The following CACNA2D3 variants were observed in gnomAD, a reference collection of about 807,000 sequenced individuals.
The protein encoded by CACNA2D3 is voltage-dependent calcium channel subunit alpha-2/delta-3.
A neutral mutation model predicts 160.6 loss-of-function variants in CACNA2D3; 60 were observed. That is an observed-to-expected ratio of 0.37 (90% CI 0.30 to 0.46). The LOEUF is 0.46. CACNA2D3 is among the 20% of genes least tolerant of loss of function. The pLI is 1.00. For synonymous variants in CACNA2D3, 558 were observed against 492.9 expected (o/e 1.13, Z -1.75); for missense variants, 1,205 against 1,365.0 (o/e 0.88, Z 1.85).
At chr3:55,026,325 A>C (rs1703562740) in intron 35 of CACNA2D3, among the ~76,000 whole-genome samples, 1 of 152,208 alleles carries the variant, frequency 6.6e-6, no homozygotes, top group South Asian at 2.1e-4. Flanking sequence ...GAAAATGTGA[A>C]GATAGCTCAG....
chr3:54,684,210 T>A (rs1027173400), intron 11 of CACNA2D3, among the ~76,000 whole-genome samples: 1 of 152,108 alleles, frequency 6.6e-6, no homozygotes. Flanking sequence ...TCTGCCCGTC[T>A]TGGCCTCCCA....
chr3:54,833,477 T>A (rs1372753047), intron 14 of CACNA2D3, among the ~76,000 whole-genome samples: 1 of 152,014 alleles, frequency 6.6e-6, no homozygotes, highest in Non-Finnish European at 1.5e-5. Context: ...CTTGCCTCAG[T>A]AGCAGCTACA....
intron 14 of CACNA2D3, among the ~76,000 whole-genome samples, chr3:54,826,205 A>G (rs1703746681): frequency 6.6e-6 from 1 of 152,232 alleles, no homozygotes; most frequent in Admixed American, 6.5e-5. Flanking sequence ...CACATCCCCA[A>G]TTAATGGATA....
At chr3:54,828,011 G>T (rs1287176386) in intron 14 of CACNA2D3, among the ~76,000 whole-genome samples, 1 of 152,136 alleles carries the variant, frequency 6.6e-6, no homozygotes, top group Non-Finnish European at 1.5e-5. Flanking sequence ...GGTCCTAGAT[G>T]GTATCTTTGG....
chr3:54,941,517 C>T (rs998408716), intron 27 of CACNA2D3, among the ~76,000 whole-genome samples: 2 of 152,076 alleles, frequency 1.3e-5, no homozygotes, highest in African/African-American at 4.8e-5. Flanking sequence ...TTTTATAATG[C>T]CGGGATTATG....
chr3:54,294,498 G>A (rs890757460), intron 2 of CACNA2D3, among the ~76,000 whole-genome samples: 4 of 152,064 alleles, frequency 2.6e-5, no homozygotes, highest in Non-Finnish European at 5.9e-5. Context: ...GCCACTGTGG[G>A]AGGAAAAAGA....
intron 9 of CACNA2D3, among the ~76,000 whole-genome samples, chr3:54,592,364 T>G (rs1413029954): frequency 6.6e-6 from 1 of 152,176 alleles, no homozygotes; most frequent in African/African-American, 2.4e-5. Context: ...GTCTTAAAAT[T>G]CTGTTAGGTT....
At position 54,192,671 on chromosome 3, in the gene CACNA2D3, GGT is replaced by G. The variant is rs147191768; in HGVS notation, c.204+69100_204+69101del. Among the ~76,000 whole-genome samples the G allele has an allele frequency of 1.3e-3, 193 of 149,618 alleles. 1 individual carries two copies. Among genetic ancestry groups the G allele is most frequent in the Non-Finnish European group, 1.7e-3 (112 of 67,272 alleles). Reference sequence around the variant, plus strand: ...CCCTACATGCTTTTCCCATATGTGAGGTGTGTGTGTGTGTGTGTGTGTGTTTG... The same window carrying G: ...CCCTACATGCTTTTCCCATATGTGAGGTGTGTGTGTGTGTGTGTGTGTTTG... On this transcript the variant is annotated intron_variant, in intron 2 of 37. Transcript: ENST00000474759.
chr3:54,501,108 G>A (rs1440567342), intron 4 of CACNA2D3, among the ~76,000 whole-genome samples: 1 of 152,110 alleles, frequency 6.6e-6, no homozygotes, highest in East Asian at 1.9e-4. Context: ...CCTGTTATAA[G>A]GACATCTAAT....
chr3:54,473,945 T>C (rs1336523970), intron 4 of CACNA2D3, among the ~76,000 whole-genome samples: 2 of 152,162 alleles, frequency 1.3e-5, no homozygotes, highest in African/African-American at 4.8e-5. Context: ...TTTACACTAT[T>C]GGTAGGAGTG....
chr3:54,457,348 T>A (rs1191339535), intron 4 of CACNA2D3, among the ~76,000 whole-genome samples: 1 of 152,138 alleles, frequency 6.6e-6, no homozygotes, highest in Non-Finnish European at 1.5e-5. Context: ...TTGTTTAATT[T>A]ACATGCATTT....
chr3:55,037,184 G>C (rs1703839567), intron 35 of CACNA2D3, among the ~76,000 whole-genome samples: 1 of 152,178 alleles, frequency 6.6e-6, no homozygotes, highest in African/African-American at 2.4e-5. Context: ...AAGAAACCAA[G>C]GGTAAAGTTA....
At chr3:54,513,441 A>C (rs569272265) in intron 5 of CACNA2D3, among the ~76,000 whole-genome samples, 17 of 152,294 alleles carry the variant, frequency 1.1e-4, no homozygotes, top group African/African-American at 3.6e-4. Context: ...CATACAATGC[A>C]ATCCTACCCC....
chr3:54,344,485 A>G (rs1698421519), intron 3 of CACNA2D3, among the ~76,000 whole-genome samples: 1 of 152,218 alleles, frequency 6.6e-6, no homozygotes, highest in Non-Finnish European at 1.5e-5. Context: ...TGTTCTGGCA[A>G]CGAGAAATCA....
rs71096434 is a variant in CACNA2D3, at chr3:54,678,720, C to CAAAAAAAAAAAAAAAAA, written c.1167+36492_1167+36508dup. Among the ~76,000 whole-genome samples the CAAAAAAAAAAAAAAAAA allele has an allele frequency of 4.1e-4, 19 of 45,918 alleles. 2 individuals are homozygous for CAAAAAAAAAAAAAAAAA. The highest frequency in any genetic ancestry group is 5.7e-4 in the Non-Finnish European group (16 of 28,278). The allele number at this position is 45,918 out of a possible 152,430, so 30.1% of individuals were successfully genotyped here. On this transcript the variant is annotated intron_variant, in intron 11 of 37. Transcript: ENST00000474759. ...TGGGTGACAGAGTGAGACTCGGTCT[C>CAAAAAAAAAAAAAAAAA]AAAAAAAAAAAAAAAAAAAAAAAAA... is the stretch of plus-strand genomic sequence containing the variant.
At chr3:54,555,852 A>G (rs1702234424) in intron 5 of CACNA2D3, among the ~76,000 whole-genome samples, 1 of 152,220 alleles carries the variant, frequency 6.6e-6, no homozygotes, top group South Asian at 2.1e-4. Flanking sequence ...CTGGGCATTG[A>G]TACATACACT....
At chr3:54,687,151 G>GT (rs1283945331) in intron 11 of CACNA2D3, among the ~76,000 whole-genome samples, 3 of 69,650 alleles carry the variant, frequency 4.3e-5, no homozygotes, top group East Asian at 4.9e-4. Context: ...TTTTTTTTTT[G>GT]TTTTTTTGAC....
intron 11 of CACNA2D3, among the ~76,000 whole-genome samples, chr3:54,647,755 T>A (rs1213984414): frequency 6.6e-6 from 1 of 152,238 alleles, no homozygotes; most frequent in Admixed American, 6.5e-5. Flanking sequence ...GAAGAAGGAA[T>A]GCATTATTGG....
At chr3:54,513,961 C>T (rs539429399) in intron 5 of CACNA2D3, among the ~76,000 whole-genome samples, 3 of 152,292 alleles carry the variant, frequency 2.0e-5, no homozygotes, top group South Asian at 2.1e-4. Flanking sequence ...GCATGAGCCA[C>T]CGCACCCAGC....
Sources: allele counts gnomAD v4.1 joint callset (sites outside exome capture counted in the v4.1 genomes callset), GRCh38; gene constraint gnomAD v4.1.1; transcripts MANE v1.5; gene names NCBI Gene and HGNC (gene_info 2026-07-23, HGNC 2026-07-21).